GNAL: variants seen among roughly 807,000 people sequenced by gnomAD.
GNAL encodes G protein subunit alpha L.
GNAL carries 18 observed loss-of-function variants against 55.1 expected under a neutral mutation model. That is an observed-to-expected ratio of 0.33 (90% CI 0.23 to 0.48). GNAL has a LOEUF of 0.48. Among genes scored for constraint, GNAL ranks in the 20% least tolerant of loss-of-function variants. The pLI is 0.99. For missense variants in GNAL, 412 were observed against 614.1 expected, an observed-to-expected ratio of 0.67 and a Z score of 3.48; for synonymous variants, 253 against 237.0, an observed-to-expected ratio of 1.07 and a Z score of -0.62.
chr18:11,788,936 T>TATATATATATATAC (rs1219351502), intron 4 of GNAL, among the ~76,000 whole-genome samples: 23 of 128,880 alleles, frequency 1.8e-4, no homozygotes, highest in Non-Finnish European at 3.2e-4. Flanking sequence ...TATATATATA[T>TATATATATATATAC]ACACATATAT....
At chr18:11,879,272 G>C (rs2036605766) in intron 11 of GNAL, among the ~76,000 whole-genome samples, 1 of 151,848 alleles carries the variant, frequency 6.6e-6, no homozygotes, top group Non-Finnish European at 1.5e-5. Context: ...TGTGGTCCAA[G>C]CAGCTCTCTA....
chr18:11,841,240 T>A (rs566705893), intron 5 of GNAL, among the ~76,000 whole-genome samples: 5 of 152,134 alleles, frequency 3.3e-5, no homozygotes, highest in African/African-American at 1.2e-4. Flanking sequence ...CCTACAAATA[T>A]GTTAAGATTT....
chr18:11,694,312 C>T (rs529487383), intron 1 of GNAL, among the ~76,000 whole-genome samples: 1 of 152,262 alleles, frequency 6.6e-6, no homozygotes, highest in Non-Finnish European at 1.5e-5. Flanking sequence ...CACTGGGGTA[C>T]ATTGCTCCAT....
chr18:11,846,871 C>T lies in GNAL; in HGVS notation c.723-15524C>T, dbSNP rs553876220. Among the ~76,000 whole-genome samples, 14 of 152,134 alleles carry T rather than the reference C, an allele frequency of 9.2e-5. No individual in the cohort carries two copies. The South Asian group carries it at 2.9e-3, about 32-fold the overall frequency. On this transcript the variant is annotated intron_variant, in intron 5 of 11. Coordinates refer to ENST00000334049, the MANE Select transcript of GNAL (RefSeq NM_182978.4). ...TGATTACAGGCATCGGCCATCACAC[C>T]CAGCCCTGGACAGTGACTTTGAAAT...
At position 11,690,259 on chromosome 18, in the gene GNAL, C is replaced by T. The variant is rs576523363; in HGVS notation, c.376+320C>T. On this transcript the variant is annotated intron_variant, in intron 1 of 11. Transcript: ENST00000334049. ...AGTCTCCCCCTCGATTGATCACCTTCCACAGGGTCGAATCCCCGGGGATGT... is the reference window on the plus strand; with the variant it reads ...AGTCTCCCCCTCGATTGATCACCTTTCACAGGGTCGAATCCCCGGGGATGT... Among the ~76,000 whole-genome samples, 90 of 152,232 alleles carry T rather than the reference C, an allele frequency of 5.9e-4. 1 individual carries two copies. Among genetic ancestry groups the T allele is most frequent in the African/African-American group, 1.9e-3 (78 of 41,538 alleles).
At chr18:11,817,592 T>C (rs2143607611) in intron 4 of GNAL, among the ~76,000 whole-genome samples, 1 of 152,208 alleles carries the variant, frequency 6.6e-6, no homozygotes. Context: ...TTTCGTGTAG[T>C]TTTCTTTTTG....
At chr18:11,777,438 CTG>C (rs2033815199) in intron 4 of GNAL, among the ~76,000 whole-genome samples, 1 of 152,152 alleles carries the variant, frequency 6.6e-6, no homozygotes, top group African/African-American at 2.4e-5. Flanking sequence ...CTTTAGAGTG[CTG>C]TGTGTCCAGA....
chr18:11,884,523 G>C lies in GNAL; in HGVS notation c.*3388G>C, dbSNP rs2036882157. 4 of 1,614,018 alleles carry C rather than the reference G, an allele frequency of 2.5e-6. No homozygotes were observed. The highest frequency in any genetic ancestry group is 3.4e-6 in the Non-Finnish European group (4 of 1,180,032). On this transcript the variant is annotated 3_prime_UTR_variant, in exon 12 of 12. Coordinates refer to ENST00000334049, the MANE Select transcript of GNAL (RefSeq NM_182978.4). ...CTAGAAGCCCAAAGTGAGTGAGTGT[G>C]AGGACCACAAGGAAGCCCACCACTC...
intron 4 of GNAL, among the ~76,000 whole-genome samples, chr18:11,788,914 A>AAAAAATATAT (rs60071996): frequency 0.015 from 846 of 56,162 alleles, 18 homozygotes; most frequent in Non-Finnish European, 0.02. Flanking sequence ...AAAAAAAAAA[A>AAAAAATATAT]ATATATATAT....
At position 11,871,815 on chromosome 18, in the gene GNAL, TC is replaced by T. The variant is rs1448450848; in HGVS notation, c.1032-448del. 3.3e-5 allele frequency among the ~76,000 whole-genome samples: 5 copies of T among 152,312 alleles called. No homozygotes were observed. In the East Asian group the frequency reaches 9.6e-4, roughly 29 times the overall value. On this transcript the variant is annotated intron_variant, in intron 9 of 11. Transcript: ENST00000334049. The stretch of plus-strand genomic sequence containing the variant: ...TAGCTTTGGTTCCAATAAATCTATA[TC>T]CCCCATGGGACTGAATTAGAAAGTG...
intron 1 of GNAL, among the ~76,000 whole-genome samples, chr18:11,698,719 T>TG (rs67076514): frequency 0.15 from 22,252 of 151,856 alleles, 2,861 homozygotes; most frequent in African/African-American, 0.35. Context: ...GAGACTGGAA[T>TG]GGTGGGTGCT....
At chr18:11,880,179 C>A (rs945268286) in intron 11 of GNAL, among the ~76,000 whole-genome samples, 1 of 151,332 alleles carries the variant, frequency 6.6e-6, no homozygotes, top group Middle Eastern at 3.4e-3. Flanking sequence ...ATTGCTTGAA[C>A]CCGGGAGGCA....
chr18:11,841,515 G>A (rs956013462), intron 5 of GNAL, among the ~76,000 whole-genome samples: 8 of 151,856 alleles, frequency 5.3e-5, no homozygotes, highest in Admixed American at 4.6e-4. Flanking sequence ...GCATGGTGAC[G>A]CATGCTGTAA....
At chr18:11,734,431 G>T (rs756948582) in intron 1 of GNAL, among the ~76,000 whole-genome samples, 41 of 152,078 alleles carry the variant, frequency 2.7e-4, no homozygotes, top group African/African-American at 9.6e-4. Context: ...GTGACCCACC[G>T]CGCCGGGTGT....
Position 11,884,121 on chromosome 18 carries a change from C to T in GNAL, c.*2986C>T, listed in dbSNP as rs1598461861. ...CCAAGTGTGTGCTGGGGCCACCAGG[C>T]CCTTCCTGGGGGAACAAGGACTGTC... On this transcript the variant is annotated 3_prime_UTR_variant, in exon 12 of 12. Coordinates refer to ENST00000334049, the MANE Select transcript of GNAL (RefSeq NM_182978.4). 8.1e-6 allele frequency: 2 copies of T among 247,900 alleles called. No homozygotes were observed. The highest frequency in any genetic ancestry group is 1.8e-4 in the East Asian group (2 of 11,164). 15.4% of individuals were successfully genotyped at this position (247,900 alleles called of 1,614,324 possible).
Position 11,800,243 on chromosome 18 carries a change from G to A in GNAL, c.625-24675G>A, listed in dbSNP as rs184096180. On this transcript the variant is annotated intron_variant, in intron 4 of 11. Coordinates refer to ENST00000334049, the MANE Select transcript of GNAL (RefSeq NM_182978.4). The stretch of plus-strand genomic sequence containing the variant: ...TGGATAATACAAGTGATGATAGATG[G>A]AACATAGATAGATAGATAGATAGGA... 3.3e-5 allele frequency among the ~76,000 whole-genome samples: 5 copies of A among 152,156 alleles called. No individual in the cohort carries two copies. In the East Asian group the frequency reaches 9.7e-4, roughly 29 times the overall value.
Position 11,881,950 on chromosome 18 carries a change from A to T in GNAL, c.*815A>T, listed in dbSNP as rs575392597. 20 of 152,746 alleles carry T rather than the reference A, an allele frequency of 1.3e-4. No individual in the cohort carries two copies. The highest frequency in any genetic ancestry group is 4.3e-4 in the African/African-American group (18 of 41,572). 9.5% of individuals were successfully genotyped at this position (152,746 alleles called of 1,614,324 possible). ...CATGGCTATCTATACCTGTACATGA[A>T]ATGTGTTTGTATTGTGCTGAAGAGC... is the stretch of plus-strand genomic sequence containing the variant. On this transcript the variant is annotated 3_prime_UTR_variant, in exon 12 of 12. Transcript: ENST00000334049. The surrounding 1 kb of genome is among the most constrained non-coding windows in gnomAD (Gnocchi z 4.8).
intron 11 of GNAL, among the ~76,000 whole-genome samples, chr18:11,879,585 C>T (rs376546559): frequency 1.3e-5 from 2 of 152,146 alleles, no homozygotes; most frequent in African/African-American, 4.8e-5. Flanking sequence ...CCCTAATGAC[C>T]TCATTTTACC....
intron 5 of GNAL, among the ~76,000 whole-genome samples, chr18:11,844,684 C>A (rs1394927257): frequency 6.6e-6 from 1 of 152,146 alleles, no homozygotes; most frequent in Non-Finnish European, 1.5e-5. Context: ...CCACCACCAT[C>A]TACCAATACT....
Sources: allele counts gnomAD v4.1 joint callset (sites outside exome capture counted in the v4.1 genomes callset), GRCh38; gene constraint gnomAD v4.1.1; non-coding constraint Gnocchi (gnomAD v3.1); transcripts MANE v1.5; gene names NCBI Gene and HGNC (gene_info 2026-07-23, HGNC 2026-07-21).